PBK: variants seen among roughly 807,000 people sequenced by gnomAD.
PBK encodes PDZ binding kinase.
A neutral mutation model predicts 33.5 loss-of-function variants in PBK; 22 were observed. The ratio of observed to expected loss-of-function variants is 0.66; its 90% CI spans 0.47 to 0.94. The LOEUF is 0.94. Among genes scored for constraint, PBK ranks in the 40% least tolerant of loss-of-function variants. The pLI is 0.00. For missense variants in PBK, 376 were observed against 383.4 expected, an observed-to-expected ratio of 0.98 and a Z score of 0.16; for synonymous variants, 129 against 123.8, an observed-to-expected ratio of 1.04 and a Z score of -0.28.
At chr8:27,824,694 A>C (rs1805993652) in intron 3 of PBK, among the ~76,000 whole-genome samples, 1 of 152,188 alleles carries the variant, frequency 6.6e-6, no homozygotes, top group African/African-American at 2.4e-5. Context: ...AATCTTATAC[A>C]AACTGTTTCC....
At chr8:27,825,086 A>T (rs1806000758) in intron 3 of PBK, among the ~76,000 whole-genome samples, 1 of 152,194 alleles carries the variant, frequency 6.6e-6, no homozygotes, top group African/African-American at 2.4e-5. Context: ...AAATTTCAGA[A>T]GCTGGAAAGC....
chr8:27,820,693 T>TA lies in PBK; in HGVS notation c.466dup (p.Tyr156LeufsTer21). The TA allele has an allele frequency of 6.5e-7, 1 of 1,530,362 alleles. No homozygotes were observed. The highest frequency in any genetic ancestry group is 8.9e-7 in the Non-Finnish European group (1 of 1,127,854). The allele number at this position is 1,530,362 out of a possible 1,614,324, so 94.8% of individuals were successfully genotyped here. A position where few individuals can be genotyped will look rare whatever the true frequency, so the allele number is the denominator to read the frequency against. On this transcript the variant is annotated frameshift_variant and splice_region_variant, in exon 6 of 8. Coordinates refer to ENST00000301905, the MANE Select transcript of PBK (RefSeq NM_018492.4). LOFTEE classifies it high-confidence loss of function. ...AAGCAGTTTCTTTTCTTGGTGCAGA[T>TA]ACTAAAATAGTAAAAAATTTAACAC...
At chr8:27,827,824 C>G (rs1471973691) in intron 3 of PBK, among the ~76,000 whole-genome samples, 2 of 152,188 alleles carry the variant, frequency 1.3e-5, no homozygotes, top group Non-Finnish European at 2.9e-5. Flanking sequence ...ACAAAGGAAC[C>G]CTTTCCCCTG....
intron 1 of PBK, among the ~76,000 whole-genome samples, chr8:27,836,016 C>G (rs547984650): frequency 6.6e-6 from 1 of 152,028 alleles, no homozygotes; most frequent in Admixed American, 6.5e-5. Context: ...CAAACAAGAC[C>G]CAAACAAGTA....
chr8:27,833,224 G>A, intron 1 of PBK, 91 bp from the exon 2 acceptor site: 1 of 626,150 alleles, frequency 1.6e-6, no homozygotes, highest in Non-Finnish European at 2.7e-6. Flanking sequence ...AGGCGCAGTG[G>A]ATCATGCCTG....
At chr8:27,833,490 CA>C (rs1462216781) in intron 1 of PBK, among the ~76,000 whole-genome samples, 1 of 145,194 alleles carries the variant, frequency 6.9e-6, no homozygotes, top group Non-Finnish European at 1.5e-5. Context: ...GCCTGGGCAA[CA>C]AGAGCAAAAC....
chr8:27,816,044 C>T (rs1361073136), intron 6 of PBK, among the ~76,000 whole-genome samples: 1 of 152,120 alleles, frequency 6.6e-6, no homozygotes, highest in African/African-American at 2.4e-5. Context: ...AATGATGAAA[C>T]TGGAGCTCCT....
intron 3 of PBK, among the ~76,000 whole-genome samples, chr8:27,823,431 A>T (rs1805968785): frequency 1.3e-5 from 2 of 152,068 alleles, no homozygotes; most frequent in South Asian, 4.1e-4. Context: ...AAGGGAGAGG[A>T]TGAAAAGAAT....
intron 6 of PBK, among the ~76,000 whole-genome samples, chr8:27,813,170 G>C (rs34461536): frequency 0.26 from 39,341 of 152,042 alleles, 6,144 homozygotes; most frequent in Middle Eastern, 0.36. Context: ...CCTTTGCAGG[G>C]ACATGGATGC....
chr8:27,813,143 A>G (rs568884353), intron 6 of PBK, among the ~76,000 whole-genome samples: 20 of 152,348 alleles, frequency 1.3e-4, no homozygotes, highest in African/African-American at 4.8e-4. Flanking sequence ...CAGCCATAAA[A>G]AAGGATGAGT....
chr8:27,824,202 T>C (rs1399467207), intron 3 of PBK, among the ~76,000 whole-genome samples: 2 of 152,186 alleles, frequency 1.3e-5, no homozygotes, highest in Non-Finnish European at 2.9e-5. Context: ...AGGATAATGA[T>C]GAGCACCTGC....
intron 4 of PBK, among the ~76,000 whole-genome samples, 185 bp downstream of exon 4, chr8:27,822,878 A>T (rs1805956916): frequency 6.6e-6 from 1 of 152,170 alleles, no homozygotes; most frequent in South Asian, 2.1e-4. Flanking sequence ...AAGTTTATAT[A>T]CTTAGGCATC....
intron 6 of PBK, chr8:27,812,467 A>C (rs1368265199): frequency 1.3e-5 from 2 of 152,158 alleles, no homozygotes; most frequent in Non-Finnish European, 2.9e-5. Context: ...AAGCCAAAAC[A>C]GACAAATGGG....
rs890401094 is a variant in PBK, at chr8:27,837,761, T to C, written c.-130A>G. ...CCCAGCGAGACCCTGCAGCTGCCTC[T>C]AGCACCAACACATACGCCCGGCAGC... On this transcript the variant is annotated 5_prime_UTR_variant, in exon 1 of 8. It removes the in-frame stop codon of an upstream open reading frame in the 5' UTR. Transcript: ENST00000301905. 1 of 152,190 alleles carries C rather than the reference T, an allele frequency of 6.6e-6. No homozygotes were observed. The highest frequency in any genetic ancestry group is 1.5e-5 in the Non-Finnish European group (1 of 68,030). 9.4% of individuals were successfully genotyped at this position (152,190 alleles called of 1,614,324 possible).
chr8:27,829,894 A>G (rs1033237591), intron 2 of PBK, among the ~76,000 whole-genome samples: 1 of 149,286 alleles, frequency 6.7e-6, no homozygotes, highest in African/African-American at 2.5e-5. Flanking sequence ...CAATCAATCA[A>G]TAGAAACATA....
At chr8:27,825,218 T>C (rs1052126392) in intron 3 of PBK, among the ~76,000 whole-genome samples, 3 of 152,192 alleles carry the variant, frequency 2.0e-5, no homozygotes, top group African/African-American at 7.2e-5. Context: ...GTCAGGAGGA[T>C]GACTTGAGAC....
Position 27,812,132 on chromosome 8 carries a change from G to C in PBK, c.596-998C>G, listed in dbSNP as rs142620579. The C allele has an allele frequency of 2.6e-3, 397 of 152,146 alleles. 7 individuals carry two copies. The highest frequency in any genetic ancestry group is 9.1e-3 in the African/African-American group (377 of 41,506). 9.4% of individuals were successfully genotyped at this position (152,146 alleles called of 1,614,324 possible). On this transcript the variant is annotated intron_variant, in intron 6 of 7. Coordinates refer to ENST00000301905, the MANE Select transcript of PBK (RefSeq NM_018492.4). ...TGCTAAATAAAACTGGCAAGAGCAG[G>C]CATCCTGGTCTTGTTCCCTACTTCA...
rs2128963587 is a variant in PBK at position 27,822,355 on chromosome 8, A to G, written c.429T>C (p.Ile143=). ...TTGCCATATTCAAAGCAACTTTTAA[A>G]ATTATGGCTGCTGGAAAAGGATCTT... ...ASQDPFPAAI[I]LKVALNMARG... is the part of the protein sequence containing the mutation. The change falls in exon 5 of 8, where the codon ATT becomes ATC. Residue 143 remains isoleucine (I), a synonymous_variant. Coordinates refer to ENST00000301905, the MANE Select transcript of PBK (RefSeq NM_018492.4). The G allele has an allele frequency of 6.2e-7, 1 of 1,613,112 alleles. No homozygotes were observed. Among genetic ancestry groups the G allele is most frequent in the Non-Finnish European group, 8.5e-7 (1 of 1,179,690 alleles).
At chr8:27,815,066 T>C (rs17388370) in intron 6 of PBK, among the ~76,000 whole-genome samples, 61,315 of 151,990 alleles carry the variant, frequency 0.4, 12,827 homozygotes, top group East Asian at 0.62. Context: ...TTTGAAACAA[T>C]AGAAAGAAGA....
Sources: gnomAD v4.1 joint callset for allele counts (sites outside exome capture counted in the v4.1 genomes callset) on GRCh38, gnomAD v4.1.1 for gene constraint, MANE v1.5 for transcripts, NCBI Gene and HGNC (gene_info 2026-07-23, HGNC 2026-07-21) for gene names.